The following CASKIN2 variants were observed in gnomAD, a reference collection of about 807,000 sequenced individuals.
CASKIN2 encodes the protein CASK interacting protein 2.
In CASKIN2, 41 loss-of-function variants were observed where a neutral mutation model predicts 107.1. The observed-to-expected ratio is 0.38, with a 90% confidence interval of 0.30 to 0.50. The LOEUF is 0.50. CASKIN2 is among the 20% of genes least tolerant of loss of function. The pLI is 0.92. For synonymous variants in CASKIN2, 724 were observed against 705.6 expected, an observed-to-expected ratio of 1.03 and a Z score of -0.41; for missense variants, 1,546 against 1,657.4, an observed-to-expected ratio of 0.93 and a Z score of 1.17.
At chr17:75,508,153 G>A (rs2053285121) in intron 3 of CASKIN2, 81 bp downstream of exon 3, 2 of 1,467,788 alleles carry the variant, frequency 1.4e-6, no homozygotes, top group Admixed American at 3.5e-5. Context: ...TGGGCCTCAG[G>A]ATCTTTCCCT....
At chr17:75,514,896 C>T (rs945242657) in intron 1 of CASKIN2, among the ~76,000 whole-genome samples, 2 of 151,958 alleles carry the variant, frequency 1.3e-5, no homozygotes, top group Admixed American at 6.6e-5. Flanking sequence ...GCTCCCAAGC[C>T]CCCCAAGCCT....
rs201887461 is a variant in CASKIN2 at position 75,501,116 on chromosome 17, G to A, written c.3573C>T (p.Asp1191=). Residue 1191 remains aspartate, a synonymous_variant, in exon 20 of 20, where the codon GAC becomes GAT. Transcript: ENST00000321617. ...HILDDISTMF[D]ALADQLDAML... is the part of the protein sequence containing the mutation. ...TGGCGTCCAGCTGGTCAGCCAGGGC[G>A]TCGAACATGGTGCTGATGTCATCCA... The A allele has an allele frequency of 3.5e-3, 5,520 of 1,589,904 alleles. 193 individuals are homozygous for A. The South Asian group carries it at 0.056, about 16-fold the overall frequency.
chr17:75,503,694 G>C lies in CASKIN2; in HGVS notation c.1645C>G (p.Leu549Val). Residue 549 changes from leucine to valine, a missense_variant, in exon 16 of 20, where the codon CTC becomes GTC. Leu to Val is a conservative substitution (Grantham distance 32, BLOSUM62 1). Around this residue, in one of 6 missense-constraint regions of CASKIN2, gnomAD observed 1,311 missense variants for 1,311.0 expected, o/e 1.00. Transcript: ENST00000321617. ...CTGGGCAGCCACTCGGCGATGCTGAGCTGAGCGATCTCTGAGGCGATCTTC... is the reference window on the plus strand; with the variant it reads ...CTGGGCAGCCACTCGGCGATGCTGACCTGAGCGATCTCTGAGGCGATCTTC... ...RKKIASEIAQLSIAEWLPSYI... is the reference protein window; with the variant it reads ...RKKIASEIAQVSIAEWLPSYI... 6.2e-7 allele frequency: 1 copy of C among 1,612,476 alleles called. No individual in the cohort carries two copies. Among genetic ancestry groups the C allele is most frequent in the Non-Finnish European group, 8.5e-7 (1 of 1,180,012 alleles).
chr17:75,502,776 C>G lies in CASKIN2; in HGVS notation c.2298G>C (p.Pro766=). Residue 766 remains proline, a synonymous_variant, in exon 18 of 20, where the codon CCG becomes CCC. Coordinates refer to ENST00000321617, the MANE Select transcript of CASKIN2 (RefSeq NM_020753.5). The surrounding 1 kb of genome is among the most constrained non-coding windows in gnomAD (Gnocchi z 4.3). Reference sequence around the variant, plus strand: ...GTGCGCCAGGAGGTGGCCCTGGGGCCGGGCTAGAGGGTGAGCCCTGGGGGT... The same window carrying G: ...GTGCGCCAGGAGGTGGCCCTGGGGCGGGGCTAGAGGGTGAGCCCTGGGGGT... ...FMYPQGSPSS[P]APGPPPGAPW... The G allele has an allele frequency of 1.3e-6, 2 of 1,598,596 alleles. No homozygotes were observed. The highest frequency in any genetic ancestry group is 1.7e-6 in the Non-Finnish European group (2 of 1,172,936).
At chr17:75,508,549 G>A (rs926783046) in intron 2 of CASKIN2, among the ~76,000 whole-genome samples, 23 of 152,236 alleles carry the variant, frequency 1.5e-4, no homozygotes, top group Admixed American at 1.4e-3. Flanking sequence ...CAAAGAGGGC[G>A]GGGGGTGGGA....
rs886079112 is a variant in CASKIN2 at position 75,506,916 on chromosome 17, G to A, written c.391-22C>T. 3.8e-5 allele frequency: 61 copies of A among 1,611,148 alleles called. No individual in the cohort carries two copies. Among genetic ancestry groups the A allele is most frequent in the Non-Finnish European group, 4.4e-5 (52 of 1,178,708 alleles). On this transcript the variant is annotated intron_variant, in intron 5 of 19. Transcript: ENST00000321617. This position sits in a 1 kb window ranked among gnomAD's most constrained non-coding sequence, Gnocchi z 4.8. ...CTGACTGGGGTTGGGGGAGCCGAGT[G>A]AGGGGGCCTGGCCTGTCCGGCACCC...
At position 75,502,815 on chromosome 17, in the gene CASKIN2, G is replaced by T; in HGVS notation, c.2259C>A (p.Pro753=). ...CSSLPGQGPP[P]YVFMYPQGSP... ...AGCCCTGGGGGTACATAAAAACATA[G>T]GGTGGGGGTCCTTGGCCAGGAAGTG... Residue 753 remains proline (P), a synonymous_variant, in exon 18 of 20, where the codon CCC becomes CCA. Transcript: ENST00000321617. This position sits in a 1 kb window ranked among gnomAD's most constrained non-coding sequence, Gnocchi z 4.3. The T allele has an allele frequency of 6.4e-7, 1 of 1,569,052 alleles. No individual in the cohort carries two copies.
chr17:75,505,240 C>T lies in CASKIN2; in HGVS notation c.931-167G>A, dbSNP rs2053252798. The T allele has an allele frequency of 1.3e-6, 1 of 776,112 alleles. No individual in the cohort carries two copies. The highest frequency in any genetic ancestry group is 1.7e-5 in the African/African-American group (1 of 57,724). 48.1% of individuals were successfully genotyped at this position (776,112 alleles called of 1,614,324 possible). ...GCCCAAGTTCCGCCCCTGCTGCCAG[C>T]AGCCAGCTCAATCTCCCCTGTGCCT... On this transcript the variant is annotated intron_variant, in intron 10 of 19. Coordinates refer to ENST00000321617, the MANE Select transcript of CASKIN2 (RefSeq NM_020753.5). This position sits in a 1 kb window ranked among gnomAD's most constrained non-coding sequence, Gnocchi z 5.1.
Position 75,502,378 on chromosome 17 carries a change from G to A in CASKIN2, c.2696C>T (p.Ala899Val), listed in dbSNP as rs1363071682. ...LDESPGPKEG[A>V]TGPRRRTLSE... ...CAGTGTTCGCCTTCGGGGCCCTGTG[G>A]CCCCTTCCTTGGGCCCTGGGCTCTC... The change falls in exon 18 of 20, where the codon GCC (alanine) becomes GTC (valine). Residue 899 changes from alanine (A) to valine (V), a missense_variant. Transcript: ENST00000321617. This position sits in a 1 kb window ranked among gnomAD's most constrained non-coding sequence, Gnocchi z 4.3. 4.1e-6 allele frequency: 6 copies of A among 1,476,154 alleles called. No homozygotes were observed. Among genetic ancestry groups the A allele is most frequent in the Admixed American group, 2.6e-5 (1 of 39,044 alleles). 91.4% of individuals were successfully genotyped at this position (1,476,154 alleles called of 1,614,324 possible). A position where few individuals can be genotyped will look rare whatever the true frequency, so the allele number is the denominator to read the frequency against.
intron 2 of CASKIN2, among the ~76,000 whole-genome samples, chr17:75,510,352 G>C (rs1364405934): frequency 3.9e-5 from 6 of 152,142 alleles, no homozygotes; most frequent in Admixed American, 2.0e-4. Context: ...CCACCTCCCT[G>C]TTCTCTCTCT....
chr17:75,503,145 C>T lies in CASKIN2; in HGVS notation c.1929G>A (p.Pro643=), dbSNP rs148109862. The T allele has an allele frequency of 1.1e-4, 183 of 1,605,174 alleles. No homozygotes were observed. In the African/African-American group the frequency reaches 1.9e-3, roughly 16 times the overall value. Residue 643 remains proline (P), a synonymous_variant, in exon 18 of 20, where the codon CCG becomes CCA. Coordinates refer to ENST00000321617, the MANE Select transcript of CASKIN2 (RefSeq NM_020753.5). ...SEGGRRLAKG[P]ELMAIEGLEN... Reference sequence around the variant, plus strand: ...CCAGTCCCTCGATGGCCATCAGCTCCGGACCCTTGGCCAGCCGGCGCCCGC... The same window carrying T: ...CCAGTCCCTCGATGGCCATCAGCTCTGGACCCTTGGCCAGCCGGCGCCCGC...
rs559249884 is a variant in CASKIN2, at chr17:75,502,727, C to T, written c.2347G>A (p.Gly783Arg). Reference sequence around the variant, plus strand: ...GGGTCTGGGGGAGTGGCAGGGGGCCCGGCCAAGTAGGAGAAGGCCCAGGGT... The same window carrying T: ...GGGTCTGGGGGAGTGGCAGGGGGCCTGGCCAAGTAGGAGAAGGCCCAGGGT... ...GAPWAFSYLA[G>R]PPATPPDPPR... The change falls in exon 18 of 20, where the codon GGG becomes AGG. Residue 783 changes from glycine (G) to arginine (R), a missense_variant. By Grantham distance (125) the Gly-to-Arg change is moderately radical. Coordinates refer to ENST00000321617, the MANE Select transcript of CASKIN2 (RefSeq NM_020753.5). This position sits in a 1 kb window ranked among gnomAD's most constrained non-coding sequence, Gnocchi z 4.3. 36 of 1,577,566 alleles carry T rather than the reference C, an allele frequency of 2.3e-5. No individual in the cohort carries two copies. The highest frequency in any genetic ancestry group is 1.1e-4 in the African/African-American group (8 of 74,082).
rs1598471804 is a variant in CASKIN2, at chr17:75,514,937, G to A, written c.-405+464C>T. ...TGAAGCCCAGACCCTGGACTCCACC[G>A]CAGAGAAGCTTACGTCAGTTTCTCG... On this transcript the variant is annotated intron_variant, in intron 1 of 19. Coordinates refer to ENST00000321617, the MANE Select transcript of CASKIN2 (RefSeq NM_020753.5). Among the ~76,000 whole-genome samples the A allele has an allele frequency of 2.0e-5, 3 of 152,202 alleles. 1 individual carries two copies. The highest frequency in any genetic ancestry group is 7.2e-5 in the African/African-American group (3 of 41,522).
At chr17:75,507,152 G>A (rs2053274503) in intron 4 of CASKIN2, 23 bp from the exon 5 acceptor site, 1 of 1,598,398 alleles carries the variant, frequency 6.3e-7, no homozygotes, top group Non-Finnish European at 8.5e-7. Flanking sequence ...AAGGGTTTCT[G>A]AGGGAGGTCC....
At chr17:75,508,596 G>A (rs2053290281) in intron 2 of CASKIN2, among the ~76,000 whole-genome samples, 1 of 152,252 alleles carries the variant, frequency 6.6e-6, no homozygotes, top group Non-Finnish European at 1.5e-5. Context: ...GGCCCACGGT[G>A]TGCATGGTTA....
chr17:75,501,161 G>A lies in CASKIN2; in HGVS notation c.3528C>T (p.Ser1176=), dbSNP rs770387148. The change falls in exon 20 of 20, where the codon AGC becomes AGT. Residue 1176 remains serine (S), a synonymous_variant. Transcript: ENST00000321617. ...IGTKEQEGTP[S]ASTKHILDDI... ...CATCCAGAATGTGCTTGGTGGAGGC[G>A]CTGGGGGTGCTGCAGCAAGGGGAAG... The A allele has an allele frequency of 3.2e-5, 50 of 1,585,830 alleles. No homozygotes were observed. Among genetic ancestry groups the A allele is most frequent in the South Asian group, 2.8e-4 (24 of 87,140 alleles).
rs1377277596 is a variant in CASKIN2 at position 75,506,206 on chromosome 17, A to T, written c.726+99T>A. On this transcript the variant is annotated intron_variant, in intron 8 of 19. Coordinates refer to ENST00000321617, the MANE Select transcript of CASKIN2 (RefSeq NM_020753.5). The surrounding 1 kb of genome is among the most constrained non-coding windows in gnomAD (Gnocchi z 4.8). ...CCTCTTTCCTGACGCCCATGCAAAAACCACGCTGGAGTCCTCCGTCCCGTA... is the reference window on the plus strand; with the variant it reads ...CCTCTTTCCTGACGCCCATGCAAAATCCACGCTGGAGTCCTCCGTCCCGTA... 5 of 1,084,392 alleles carry T rather than the reference A, an allele frequency of 4.6e-6. No homozygotes were observed. The highest frequency in any genetic ancestry group is 5.4e-6 in the Non-Finnish European group (4 of 747,180). The allele number at this position is 1,084,392 out of a possible 1,614,324, so 67.2% of individuals were successfully genotyped here.
rs2053215615 is a variant in CASKIN2 at position 75,502,753 on chromosome 17, G to A, written c.2321C>T (p.Ala774Val). The A allele has an allele frequency of 2.5e-6, 4 of 1,594,828 alleles. No homozygotes were observed. In the South Asian group the frequency reaches 3.4e-5, roughly 13 times the overall value. The change falls in exon 18 of 20, where the codon GCA (alanine) becomes GTA (valine). Residue 774 changes from alanine to valine, a missense_variant. By Grantham distance (64) the Ala-to-Val change is moderately conservative. This residue lies in a region of CASKIN2 where 1,311 missense variants were observed against 1,311.0 expected (regional missense o/e 1.00). Transcript: ENST00000321617. This position sits in a 1 kb window ranked among gnomAD's most constrained non-coding sequence, Gnocchi z 4.3. ...SSPAPGPPPG[A>V]PWAFSYLAGP... ...GGCCAAGTAGGAGAAGGCCCAGGGT[G>A]CGCCAGGAGGTGGCCCTGGGGCCGG... is the stretch of plus-strand genomic sequence containing the variant.
intron 2 of CASKIN2, among the ~76,000 whole-genome samples, chr17:75,511,032 T>C (rs1322983441): frequency 6.8e-6 from 1 of 147,872 alleles, no homozygotes; most frequent in African/African-American, 2.5e-5. Context: ...CTGGGCAACA[T>C]AGCGAGACCC....
Sources: allele counts gnomAD v4.1 joint callset (sites outside exome capture counted in the v4.1 genomes callset), GRCh38; gene constraint gnomAD v4.1.1; regional missense constraint gnomAD v4.1.1; non-coding constraint Gnocchi (gnomAD v3.1); transcripts MANE v1.5; gene names NCBI Gene and HGNC (gene_info 2026-07-23, HGNC 2026-07-21).